Variants in WDR72 observed in about 807,000 individuals in gnomAD.
The protein encoded by WDR72 is WD repeat domain 72.
A neutral mutation model predicts 124.2 loss-of-function variants in WDR72; 120 were observed. That is an observed-to-expected ratio of 0.97 (90% CI 0.83 to 1.12). WDR72 has a LOEUF of 1.12. Among genes scored for constraint, WDR72 ranks in the 50% most tolerant of loss-of-function variants. The pLI is 0.00. For missense variants in WDR72, 1,387 were observed against 1,278.8 expected, an observed-to-expected ratio of 1.08 and a Z score of -1.29; for synonymous variants, 452 against 441.7, an observed-to-expected ratio of 1.02 and a Z score of -0.29.
chr15:53,651,940 A>C (rs1298499887), intron 14 of WDR72: 1 of 152,236 alleles, frequency 6.6e-6, no homozygotes, highest in Non-Finnish European at 1.5e-5. Flanking sequence ...GGAGTGAGCC[A>C]CTGCGCCCAG....
chr15:53,652,428 G>C (rs2015274084), intron 14 of WDR72, among the ~76,000 whole-genome samples: 1 of 152,110 alleles, frequency 6.6e-6, no homozygotes, highest in South Asian at 2.1e-4. Context: ...ATTTTCAAAT[G>C]ATGTACAAAA....
At chr15:53,613,612 G>T in intron 16 of WDR72, 54 bp downstream of exon 16, 1 of 1,121,286 alleles carries the variant, frequency 8.9e-7, no homozygotes, top group Non-Finnish European at 1.3e-6. Flanking sequence ...GACTAGTTAT[G>T]TCCTTTCACA....
intron 14 of WDR72, among the ~76,000 whole-genome samples, chr15:53,655,707 G>GC (rs536186726): frequency 6.7e-6 from 1 of 148,922 alleles, no homozygotes. Context: ...CATTTTGTAA[G>GC]TTTTTTTTTT....
At chr15:53,744,884 T>C (rs1397262776) in intron 1 of WDR72, among the ~76,000 whole-genome samples, 3 of 152,164 alleles carry the variant, frequency 2.0e-5, no homozygotes, top group African/African-American at 7.2e-5. Context: ...CTGGAAGAAG[T>C]ATATTCTGGG....
At chr15:53,576,626 T>G (rs571344519) in intron 18 of WDR72, among the ~76,000 whole-genome samples, 1 of 152,194 alleles carries the variant, frequency 6.6e-6, no homozygotes, top group African/African-American at 2.4e-5. Context: ...ACATACAGAA[T>G]TTTTCAACTT....
intron 18 of WDR72, among the ~76,000 whole-genome samples, chr15:53,541,282 G>A (rs71217403): frequency 2.0e-5 from 3 of 152,262 alleles, no homozygotes; most frequent in African/African-American, 4.8e-5. Flanking sequence ...CTCCCAGTAC[G>A]CAGCTGGAGA....
intron 14 of WDR72, among the ~76,000 whole-genome samples, chr15:53,645,645 A>G (rs1292816096): frequency 6.6e-6 from 1 of 152,314 alleles, no homozygotes; most frequent in East Asian, 1.9e-4. Context: ...TGTTCGATGA[A>G]GTAAAAATTA....
At chr15:53,629,028 A>G (rs1456907402) in intron 14 of WDR72, among the ~76,000 whole-genome samples, 3 of 152,080 alleles carry the variant, frequency 2.0e-5, no homozygotes, top group Non-Finnish European at 2.9e-5. Flanking sequence ...AAAAATCCTA[A>G]TCTAACTTTT....
At chr15:53,566,410 A>C (rs1894296140) in intron 18 of WDR72, among the ~76,000 whole-genome samples, 1 of 152,034 alleles carries the variant, frequency 6.6e-6, no homozygotes, top group South Asian at 2.1e-4. Context: ...AGCATAAAGA[A>C]AAGGAACAGA....
intron 15 of WDR72, among the ~76,000 whole-genome samples, chr15:53,613,999 T>C (rs2013656860): frequency 2.0e-5 from 3 of 152,106 alleles, no homozygotes; most frequent in African/African-American, 7.2e-5. Flanking sequence ...CCAATTGACC[T>C]GCACATCTTA....
intron 18 of WDR72, among the ~76,000 whole-genome samples, chr15:53,539,136 T>C (rs1320660804): frequency 6.6e-6 from 1 of 152,166 alleles, no homozygotes; most frequent in Non-Finnish European, 1.5e-5. Flanking sequence ...TAAGATTTTC[T>C]ATCCAGCAAA....
At chr15:53,744,140 C>A (rs1018717204) in intron 1 of WDR72, among the ~76,000 whole-genome samples, 6 of 152,126 alleles carry the variant, frequency 3.9e-5, no homozygotes, top group Admixed American at 1.3e-4. Context: ...TATTGTGATA[C>A]AAATCAGCTA....
intron 18 of WDR72, among the ~76,000 whole-genome samples, chr15:53,556,922 C>G: frequency 6.6e-6 from 1 of 151,946 alleles, no homozygotes; most frequent in Non-Finnish European, 1.5e-5. Flanking sequence ...ATATAGTACA[C>G]ATACACATAC....
chr15:53,660,873 G>A (rs2015586334), intron 14 of WDR72, among the ~76,000 whole-genome samples: 1 of 152,114 alleles, frequency 6.6e-6, no homozygotes, highest in African/African-American at 2.4e-5. Context: ...CAGAGGTTGG[G>A]ATAAGTTGTT....
intron 13 of WDR72, among the ~76,000 whole-genome samples, chr15:53,683,476 C>A (rs990765245): frequency 1.3e-5 from 2 of 151,990 alleles, no homozygotes; most frequent in African/African-American, 2.4e-5. Context: ...TCTTATGTAT[C>A]CATACAAAAT....
intron 3 of WDR72, among the ~76,000 whole-genome samples, chr15:53,722,178 C>T (rs1354632504): frequency 6.6e-6 from 1 of 151,956 alleles, no homozygotes; most frequent in African/African-American, 2.4e-5. Flanking sequence ...GGATTACAGG[C>T]ATGCATCACC....
chr15:53,664,086 A>G (rs1181495832), intron 14 of WDR72, among the ~76,000 whole-genome samples: 2 of 152,092 alleles, frequency 1.3e-5, no homozygotes, highest in Non-Finnish European at 2.9e-5. Flanking sequence ...CAAAATTCAG[A>G]AATGTTTCCA....
chr15:53,570,716 T>A lies in WDR72; in HGVS notation c.3148+26363A>T, dbSNP rs370782652. 7.8e-4 allele frequency among the ~76,000 whole-genome samples: 119 copies of A among 152,128 alleles called. 4 individuals are homozygous for A. In the South Asian group the frequency reaches 0.023, roughly 30 times the overall value. ...AAAAATAGAATTATCATTCGATCCA[T>A]CAAACCATTACTGGATATTTACCCA... On this transcript the variant is annotated intron_variant, in intron 18 of 19. Transcript: ENST00000360509.
At chr15:53,552,612 C>T (rs1212371287) in intron 18 of WDR72, among the ~76,000 whole-genome samples, 1 of 152,068 alleles carries the variant, frequency 6.6e-6, no homozygotes, top group Non-Finnish European at 1.5e-5. Flanking sequence ...TTTAACTGTT[C>T]TTCTTTCACT....
Sources: gnomAD v4.1 joint callset for allele counts (sites outside exome capture counted in the v4.1 genomes callset) on GRCh38, gnomAD v4.1.1 for gene constraint, MANE v1.5 for transcripts, NCBI Gene and HGNC (gene_info 2026-07-23, HGNC 2026-07-21) for gene names.